The following CHLSN variants were observed in gnomAD, a reference collection of about 807,000 sequenced individuals.
The protein encoded by CHLSN is protein cholesin.
chr7:1,015,370 G>A, the CHLSN span, among the ~76,000 whole-genome samples: 27 of 152,344 alleles, frequency 1.8e-4, no homozygotes, highest in East Asian at 4.6e-3. Flanking sequence ...GCTCAGGGAG[G>A]AATGTGCAAG....
chr7:1,022,925 T>C, the CHLSN span: 7 of 444,906 alleles, frequency 1.6e-5, no homozygotes, highest in Non-Finnish European at 3.2e-5. Flanking sequence ...GGCCACTCCA[T>C]GGTCCCGGCG....
the CHLSN span, among the ~76,000 whole-genome samples, chr7:1,024,221 G>A: frequency 1.3e-5 from 2 of 152,184 alleles, no homozygotes; most frequent in African/African-American, 4.8e-5. Flanking sequence ...AAACCCTGCA[G>A]CTTGGCTGAC....
the CHLSN span, among the ~76,000 whole-genome samples, chr7:1,042,781 T>TGACA: frequency 6.6e-6 from 1 of 152,184 alleles, no homozygotes; most frequent in South Asian, 2.1e-4. Flanking sequence ...CCAGGGATTC[T>TGACA]GAGGTCTTGG....
At chr7:1,024,423 T>G in the CHLSN span, 1 of 152,218 alleles carries the variant, frequency 6.6e-6, no homozygotes, top group East Asian at 1.9e-4. Context: ...AACGGACCCA[T>G]GGGACAGGAG....
At chr7:1,134,018 T>A in the CHLSN span, among the ~76,000 whole-genome samples, 1 of 152,114 alleles carries the variant, frequency 6.6e-6, no homozygotes, top group African/African-American at 2.4e-5. Flanking sequence ...TTTCCCAGAC[T>A]GGTCTCAAAC....
the CHLSN span, among the ~76,000 whole-genome samples, chr7:1,119,183 G>A: frequency 1.3e-5 from 2 of 152,208 alleles, no homozygotes; most frequent in African/African-American, 2.4e-5. Context: ...CAAAAGAACT[G>A]TCTTTTCAAC....
the CHLSN span, among the ~76,000 whole-genome samples, chr7:1,019,255 T>G: frequency 6.8e-6 from 1 of 147,360 alleles, no homozygotes; most frequent in Admixed American, 6.7e-5. Flanking sequence ...GGGTGAGGGT[T>G]TGGAGGGGCC....
the CHLSN span, chr7:1,044,009 G>A: frequency 1.3e-5 from 2 of 152,374 alleles, no homozygotes; most frequent in Admixed American, 6.5e-5. Flanking sequence ...TGTAACAATA[G>A]CTACAAAAGT....
At chr7:1,091,201 G>A in the CHLSN span, among the ~76,000 whole-genome samples, 1 of 152,190 alleles carries the variant, frequency 6.6e-6, no homozygotes, top group Non-Finnish European at 1.5e-5. Flanking sequence ...GGACCTGCAG[G>A]AAAGAAGGCC....
At chr7:1,095,014 T>C in the CHLSN span, among the ~76,000 whole-genome samples, 1 of 151,434 alleles carries the variant, frequency 6.6e-6, no homozygotes, top group Admixed American at 6.7e-5. Context: ...TGCTGTGGGG[T>C]GGCCAAGCCA....
the CHLSN span, chr7:1,077,875 G>C: frequency 3.9e-5 from 6 of 152,274 alleles, no homozygotes; most frequent in African/African-American, 1.2e-4. Context: ...AATGCTTTGT[G>C]TACTTTCTCT....
the CHLSN span, among the ~76,000 whole-genome samples, chr7:1,083,862 G>A: frequency 2.0e-5 from 3 of 152,172 alleles, no homozygotes; most frequent in East Asian, 3.9e-4. Context: ...GCCCCTCACC[G>A]CACTGTTTCC....
At chr7:990,867 G>A in the CHLSN span, among the ~76,000 whole-genome samples, 419 of 152,238 alleles carry the variant, frequency 2.8e-3, 4 homozygotes, top group African/African-American at 9.7e-3. Flanking sequence ...GCTCTGGAGG[G>A]TGCGGAACAT....
At chr7:1,070,580 A>G in the CHLSN span, among the ~76,000 whole-genome samples, 3 of 149,420 alleles carry the variant, frequency 2.0e-5, no homozygotes, top group Non-Finnish European at 4.5e-5. Context: ...GCAAACACGC[A>G]CACACGGACA....
the CHLSN span, among the ~76,000 whole-genome samples, chr7:981,368 C>T: frequency 6.6e-6 from 1 of 151,848 alleles, no homozygotes; most frequent in African/African-American, 2.4e-5. Context: ...AATCCCAGCG[C>T]TTTTGGAGGC....
the CHLSN span, among the ~76,000 whole-genome samples, chr7:1,078,713 A>AACC: frequency 6.6e-6 from 1 of 152,156 alleles, no homozygotes; most frequent in African/African-American, 2.4e-5. Context: ...GCTGCCTTAC[A>AACC]ACCATGCAGA....
At chr7:1,134,269 T>G in the CHLSN span, among the ~76,000 whole-genome samples, 1 of 147,518 alleles carries the variant, frequency 6.8e-6, no homozygotes, top group Non-Finnish European at 1.5e-5. Context: ...TGAGAGACTG[T>G]CTCTTAAAAG....
At chr7:1,041,857 G>C in the CHLSN span, among the ~76,000 whole-genome samples, 1 of 151,242 alleles carries the variant, frequency 6.6e-6, no homozygotes, top group African/African-American at 2.4e-5. Flanking sequence ...CCCCTCTCCA[G>C]CTCCTGACCA....
the CHLSN span, among the ~76,000 whole-genome samples, chr7:1,009,196 C>T: frequency 6.6e-6 from 1 of 152,200 alleles, no homozygotes; most frequent in Non-Finnish European, 1.5e-5. Context: ...CCTGTCCTCC[C>T]AGGCAGGGCC....
Sources: allele counts gnomAD v4.1 joint callset (sites outside exome capture counted in the v4.1 genomes callset), GRCh38; gene constraint gnomAD v4.1.1; transcripts MANE v1.5; gene names NCBI Gene and HGNC (gene_info 2026-07-23, HGNC 2026-07-21).